Variants in ZNF469 observed in about 807,000 individuals in gnomAD.
ZNF469 encodes zinc finger protein 469.
In ZNF469, 1 loss-of-function variant was observed where a neutral mutation model predicts 1.0. The observed-to-expected ratio is 1.00, with a 90% CI of 0.35 to 4.73. ZNF469 has a LOEUF of 4.73. Among genes scored for constraint, ZNF469 ranks in the 30% most tolerant of loss-of-function variants. The pLI is 0.16. For synonymous variants in ZNF469, 2,703 were observed against 2,363.4 expected (o/e 1.14, Z -4.17); for missense variants, 6,100 against 5,356.3 (o/e 1.14, Z -4.33).
the ZNF469 span, among the ~76,000 whole-genome samples, chr16:88,125,766 T>C: frequency 6.8e-6 from 1 of 147,276 alleles, no homozygotes; most frequent in Admixed American, 6.6e-5. Flanking sequence ...GATATTTTAT[T>C]TTTTTGCAAA....
the ZNF469 span, among the ~76,000 whole-genome samples, chr16:88,263,723 A>C: frequency 6.6e-6 from 1 of 152,102 alleles, no homozygotes; most frequent in Non-Finnish European, 1.5e-5. Flanking sequence ...GCAGGGGCAG[A>C]TGGACAGACT....
At chr16:88,329,555 C>T in the ZNF469 span, among the ~76,000 whole-genome samples, 1 of 152,172 alleles carries the variant, frequency 6.6e-6, no homozygotes, top group African/African-American at 2.4e-5. Context: ...CAGAGGGGCT[C>T]CCTTCTCAGA....
Position 88,427,944 on chromosome 16 carries a change from T to G in ZNF469, c.474T>G (p.Thr158=). ...TGGACACCCCCCAGGGCCCTGGGAC[T>G]GGAGCTCCACTCAGGCCGGGCCTCC... is the stretch of plus-strand genomic sequence containing the variant. ...PEVDTPQGPG[T]GAPLRPGLPR... The change falls in exon 3 of 3, where the codon ACT becomes ACG. Residue 158 remains threonine (T), a synonymous_variant. Coordinates refer to ENST00000565624, the MANE Select transcript of ZNF469 (RefSeq NM_001367624.2). The G allele has an allele frequency of 6.5e-7, 1 of 1,549,946 alleles. No individual in the cohort carries two copies. The highest frequency in any genetic ancestry group is 8.7e-7 in the Non-Finnish European group (1 of 1,146,862).
the ZNF469 span, among the ~76,000 whole-genome samples, chr16:88,303,520 G>A: frequency 2.6e-4 from 39 of 152,284 alleles, 1 homozygote; most frequent in South Asian, 3.7e-3. Flanking sequence ...CTCCACTGCC[G>A]GGAGGAACAT....
chr16:88,181,432 C>G, the ZNF469 span, among the ~76,000 whole-genome samples: 1 of 152,048 alleles, frequency 6.6e-6, no homozygotes, highest in African/African-American at 2.4e-5. Flanking sequence ...TATTCCAGGC[C>G]GTAAAACAGA....
At chr16:88,244,231 G>C in the ZNF469 span, among the ~76,000 whole-genome samples, 3 of 150,346 alleles carry the variant, frequency 2.0e-5, no homozygotes, top group African/African-American at 7.4e-5. Context: ...ATGGATGGGT[G>C]GGTGGGGGTT....
chr16:88,412,908 G>C (rs1037359479), intron 1 of ZNF469, among the ~76,000 whole-genome samples: 1 of 152,136 alleles, frequency 6.6e-6, no homozygotes, highest in Non-Finnish European at 1.5e-5. Flanking sequence ...ACTGTGCTCC[G>C]TGTCCTGGCA....
At chr16:88,184,961 T>G in the ZNF469 span, among the ~76,000 whole-genome samples, 5 of 152,026 alleles carry the variant, frequency 3.3e-5, no homozygotes, top group Non-Finnish European at 5.9e-5. Flanking sequence ...AACACACTCA[T>G]GCACACGCAA....
the ZNF469 span, among the ~76,000 whole-genome samples, chr16:88,190,657 T>G: frequency 5.9e-5 from 9 of 152,178 alleles, no homozygotes; most frequent in African/African-American, 2.2e-4. Context: ...TAGAAGCATC[T>G]CTGTTGCATT....
chr16:88,250,891 G>A, the ZNF469 span, among the ~76,000 whole-genome samples: 1 of 151,940 alleles, frequency 6.6e-6, no homozygotes, highest in Non-Finnish European at 1.5e-5. Flanking sequence ...GGGTTTTTTT[G>A]TTTTGAGATG....
intron 1 of ZNF469, among the ~76,000 whole-genome samples, chr16:88,421,819 C>A (rs1905468738): frequency 6.6e-6 from 1 of 152,244 alleles, no homozygotes; most frequent in African/African-American, 2.4e-5. Context: ...CGTCACACCA[C>A]CTCTCTGGGC....
chr16:88,279,196 C>T, the ZNF469 span, among the ~76,000 whole-genome samples: 882 of 139,306 alleles, frequency 6.3e-3, 2 homozygotes, highest in African/African-American at 0.019. Flanking sequence ...TGCTGCGCCA[C>T]GCTGACACTC....
At chr16:88,342,603 C>T in the ZNF469 span, among the ~76,000 whole-genome samples, 2 of 152,210 alleles carry the variant, frequency 1.3e-5, no homozygotes, top group African/African-American at 2.4e-5. Context: ...CTCGGACCTC[C>T]TGCCAGGGCC....
chr16:88,222,259 C>T, the ZNF469 span, among the ~76,000 whole-genome samples: 2 of 152,204 alleles, frequency 1.3e-5, no homozygotes, highest in African/African-American at 4.8e-5. Context: ...GAGCTCACAG[C>T]CTGGATCAAA....
At chr16:88,372,154 G>A in the ZNF469 span, among the ~76,000 whole-genome samples, 28 of 3,906 alleles carry the variant, frequency 7.2e-3, no homozygotes, top group Admixed American at 0.021. Flanking sequence ...CCCCATCATC[G>A]TCACCATCAC....
Position 88,433,956 on chromosome 16 carries a change from C to T in ZNF469, c.6486C>T (p.Pro2162=), listed in dbSNP as rs1206368153. The change falls in exon 3 of 3, where the codon CCC becomes CCT. Residue 2162 remains proline (P), a synonymous_variant. Transcript: ENST00000565624. ...ASPSCRDPPG[P]QQLLACSPAW... is the part of the protein sequence containing the mutation. ...CGTCCTGCAGGGACCCTCCCGGCCC[C>T]CAGCAGCTGCTGGCCTGTTCTCCTG... The T allele has an allele frequency of 1.2e-5, 18 of 1,550,146 alleles. No individual in the cohort carries two copies. The highest frequency in any genetic ancestry group is 4.9e-5 in the East Asian group (2 of 40,932).
Position 88,437,016 on chromosome 16 carries a change from G to A in ZNF469, c.9546G>A (p.Lys3182=), listed in dbSNP as rs1374114759. ...AGPWACGMCL[K]EVADVWMYNE... Reference sequence around the variant, plus strand: ...CCTGGGCGTGCGGCATGTGCCTGAAGGAGGTGGCCGACGTCTGGATGTACA... The same window carrying A: ...CCTGGGCGTGCGGCATGTGCCTGAAAGAGGTGGCCGACGTCTGGATGTACA... The change falls in exon 3 of 3, where the codon AAG becomes AAA. Residue 3182 remains lysine (K), a synonymous_variant. Transcript: ENST00000565624. The A allele has an allele frequency of 2.6e-6, 4 of 1,527,392 alleles. No homozygotes were observed. Among genetic ancestry groups the A allele is most frequent in the South Asian group, 2.4e-5 (2 of 83,020 alleles). 94.6% of individuals were successfully genotyped at this position (1,527,392 alleles called of 1,614,324 possible).
At chr16:88,247,719 G>T in the ZNF469 span, among the ~76,000 whole-genome samples, 1 of 152,232 alleles carries the variant, frequency 6.6e-6, no homozygotes, top group East Asian at 1.9e-4. Flanking sequence ...GTGAGTCAAT[G>T]AGCGAGTGAG....
chr16:88,396,048 G>C (rs1207105894), intron 1 of ZNF469, among the ~76,000 whole-genome samples: 1 of 152,248 alleles, frequency 6.6e-6, no homozygotes, highest in Non-Finnish European at 1.5e-5. Context: ...GGGACCATCT[G>C]TCGTGTATCC....
Sources: allele counts gnomAD v4.1 joint callset (sites outside exome capture counted in the v4.1 genomes callset), GRCh38; gene constraint gnomAD v4.1.1; transcripts MANE v1.5; gene names NCBI Gene and HGNC (gene_info 2026-07-23, HGNC 2026-07-21).